ABCA10: variants seen among roughly 807,000 people sequenced by gnomAD.
ABCA10 encodes ATP binding cassette subfamily A member 10.
Under a neutral mutation model 187.5 loss-of-function variants are expected in ABCA10, and 169 were observed. The observed-to-expected ratio is 0.90, with a 90% CI of 0.80 to 1.02. The LOEUF (loss-of-function observed/expected upper bound fraction) is 1.02, where lower values mean the gene tolerates loss of function less well. ABCA10 is among the 50% of genes least tolerant of loss of function. The pLI is 0.00. For missense variants in ABCA10, 1,727 were observed against 1,812.4 expected (o/e 0.95, Z 0.86); for synonymous variants, 574 against 601.8 (o/e 0.95, Z 0.68).
intron 27 of ABCA10, among the ~76,000 whole-genome samples, chr17:69,158,395 TATAAG>T (rs1299066373): frequency 1.3e-5 from 2 of 151,930 alleles, no homozygotes; most frequent in Admixed American, 6.5e-5. Context: ...GGTAAACTGA[TATAAG>T]ATAATTGTAC....
chr17:69,195,196 G>A (rs1360504450), intron 11 of ABCA10, among the ~76,000 whole-genome samples: 1 of 151,978 alleles, frequency 6.6e-6, no homozygotes, highest in African/African-American at 2.4e-5. Flanking sequence ...GAAAACAGAG[G>A]GAATTAGATT....
chr17:69,202,021 G>A (rs150253439), intron 9 of ABCA10, among the ~76,000 whole-genome samples: 20 of 152,232 alleles, frequency 1.3e-4, no homozygotes, highest in African/African-American at 4.6e-4. Flanking sequence ...AACCTCAGGC[G>A]ATCCGCCCAC....
chr17:69,210,339 G>A (rs1464857150), intron 9 of ABCA10, among the ~76,000 whole-genome samples: 20 of 149,270 alleles, frequency 1.3e-4, no homozygotes, highest in African/African-American at 4.2e-4. Flanking sequence ...ACAGGCGCCC[G>A]CCACCGCGCC....
chr17:69,240,290 T>C (rs960685666), intron 1 of ABCA10, among the ~76,000 whole-genome samples: 2 of 152,202 alleles, frequency 1.3e-5, no homozygotes. Context: ...ATCCTTGTTA[T>C]TGGCCATTAG....
Position 69,152,489 on chromosome 17 carries a change from T to A in ABCA10, c.4137-8A>T. The A allele has an allele frequency of 6.2e-7, 1 of 1,604,478 alleles. No individual in the cohort carries two copies. Among genetic ancestry groups the A allele is most frequent in the Non-Finnish European group, 8.5e-7 (1 of 1,176,756 alleles). ...GTAGCCTGAAGTATCTGCCTAAAGA[T>A]AAAGTAAGGGATTGTTTGCATTTAG... On this transcript the variant is annotated splice_polypyrimidine_tract_variant and splice_region_variant and intron_variant, in intron 34 of 38. Transcript: ENST00000690296.
chr17:69,169,447 C>A (rs2074279785), intron 25 of ABCA10, among the ~76,000 whole-genome samples: 1 of 152,154 alleles, frequency 6.6e-6, no homozygotes, highest in East Asian at 1.9e-4. Context: ...CATTTCTCCC[C>A]CAAAGTAATT....
chr17:69,175,636 G>A, intron 22 of ABCA10, 123 bp from the exon 23 acceptor site: 1 of 713,170 alleles, frequency 1.4e-6, no homozygotes, highest in Non-Finnish European at 2.2e-6. Flanking sequence ...AAGAAGCAAA[G>A]AGACAAGCAA....
chr17:69,161,632 G>T (rs2074219027), intron 27 of ABCA10, among the ~76,000 whole-genome samples: 1 of 152,092 alleles, frequency 6.6e-6, no homozygotes, highest in Admixed American at 6.5e-5. Flanking sequence ...TTTCAAATTT[G>T]GGGGGCAACA....
intron 18 of ABCA10, among the ~76,000 whole-genome samples, chr17:69,189,590 TTTGCCAGGACCAA>T (rs2074445441): frequency 6.6e-6 from 1 of 152,192 alleles, no homozygotes; most frequent in African/African-American, 2.4e-5. Flanking sequence ...TCATGAAGTC[TTTGCCAGGACCAA>T]TGTCCAGAAT....
chr17:69,154,454 T>C, intron 30 of ABCA10, 128 bp from the exon 31 acceptor site: 1 of 694,478 alleles, frequency 1.4e-6, no homozygotes, highest in Non-Finnish European at 2.4e-6. Context: ...AGACAGAGTT[T>C]TGCTCTGTTG....
chr17:69,211,545 A>C (rs930421876), intron 9 of ABCA10, among the ~76,000 whole-genome samples: 4 of 151,526 alleles, frequency 2.6e-5, no homozygotes, highest in African/African-American at 7.3e-5. Flanking sequence ...AATAGTGTCA[A>C]TAGGATAGGT....
In ABCA10 at chr17:69,190,383, T is replaced by C; in HGVS notation, c.2106A>G (p.Glu702=). 3.8e-6 allele frequency: 6 copies of C among 1,565,410 alleles called. No homozygotes were observed. In the South Asian group the frequency reaches 7.4e-5, roughly 19 times the overall value. Residue 702 remains glutamate (E), a synonymous_variant, in exon 18 of 39, where the codon GAA becomes GAG. Transcript: ENST00000690296. ...CTGGTTCATCAATTGCTGATTTTCC[T>C]TCTAGGTTCAAGAATACTTCATTCA... The part of the protein sequence containing the change: ...TSLNEVFLNL[E]GKSAIDEPDF...
intron 9 of ABCA10, among the ~76,000 whole-genome samples, chr17:69,213,906 T>A (rs1332059640): frequency 6.6e-6 from 1 of 152,222 alleles, no homozygotes; most frequent in Non-Finnish European, 1.5e-5. Flanking sequence ...AGCATTCTTA[T>A]TGGGCTGATG....
chr17:69,192,544 C>T lies in ABCA10; in HGVS notation c.1871+19G>A. 1.9e-6 allele frequency: 3 copies of T among 1,578,096 alleles called. No individual in the cohort carries two copies. In the East Asian group the frequency reaches 6.8e-5, roughly 36 times the overall value. The stretch of plus-strand genomic sequence containing the variant: ...TATTAATATGCTCATTTAAAAATAA[C>T]TACACCTAGAATACATACCTTAAAT... On this transcript the variant is annotated intron_variant, in intron 16 of 38. Coordinates refer to ENST00000690296, the MANE Select transcript of ABCA10 (RefSeq NM_001377321.1).
chr17:69,202,443 T>A (rs2074553326), intron 9 of ABCA10, among the ~76,000 whole-genome samples: 1 of 152,064 alleles, frequency 6.6e-6, no homozygotes, highest in Non-Finnish European at 1.5e-5. Context: ...ATATTAAGAA[T>A]GTTAAGGTAG....
Position 69,153,984 on chromosome 17 carries a change from G to A in ABCA10, c.3812C>T (p.Ser1271Leu). The change falls in exon 32 of 39, where the codon TCA becomes TTA. Residue 1271 changes from serine (S) to leucine (L), a missense_variant. Coordinates refer to ENST00000690296, the MANE Select transcript of ABCA10 (RefSeq NM_001377321.1). ...GCTGTTGTCATGCTGTTGCCTTACT[G>A]ATGCTCTGCTGCCTTGTAACACCAC... ...GVVVLQGSRA[S>L]VRQQHDNSLK... 1 of 1,613,854 alleles carries A rather than the reference G, an allele frequency of 6.2e-7. No individual in the cohort carries two copies. The highest frequency in any genetic ancestry group is 1.3e-5 in the African/African-American group (1 of 75,026).
chr17:69,225,569 G>A (rs2074787591), intron 2 of ABCA10, 40 bp from the exon 3 acceptor site: 2 of 459,208 alleles, frequency 4.4e-6, no homozygotes, highest in East Asian at 6.8e-5. Context: ...GTTATAACGT[G>A]GTCCAGACCA....
chr17:69,235,209 G>A (rs2074859593), intron 1 of ABCA10, among the ~76,000 whole-genome samples: 1 of 152,136 alleles, frequency 6.6e-6, no homozygotes, highest in Non-Finnish European at 1.5e-5. Context: ...CAATATTAGA[G>A]ATAACTAGAT....
At chr17:69,176,985 C>T (rs560867721) in intron 22 of ABCA10, among the ~76,000 whole-genome samples, 6 of 152,196 alleles carry the variant, frequency 3.9e-5, no homozygotes, top group Admixed American at 1.3e-4. Context: ...TTTTGCTACC[C>T]TAAATCTCTG....
Sources: gnomAD v4.1 joint callset for allele counts (sites outside exome capture counted in the v4.1 genomes callset) on GRCh38, gnomAD v4.1.1 for gene constraint, MANE v1.5 for transcripts, NCBI Gene and HGNC (gene_info 2026-07-23, HGNC 2026-07-21) for gene names.